SCNN1A: variants seen among roughly 807,000 people sequenced by gnomAD.
SCNN1A encodes the protein epithelial sodium channel subunit alpha.
In SCNN1A, 65 loss-of-function variants were observed where a neutral mutation model predicts 68.6. The ratio of observed to expected loss-of-function variants is 0.95; its 90% CI spans 0.78 to 1.16. The LOEUF (loss-of-function observed/expected upper bound fraction) is 1.16, where lower values mean the gene tolerates loss of function less well. Among genes scored for constraint, SCNN1A ranks in the 50% most tolerant of loss-of-function variants. The pLI is 0.00. For missense variants in SCNN1A, 880 were observed against 865.9 expected (o/e 1.02, Z -0.20); for synonymous variants, 357 against 353.3 (o/e 1.01, Z -0.12).
chr12:6,366,076 G>C (rs932984688), intron 2 of SCNN1A, among the ~76,000 whole-genome samples: 1 of 152,038 alleles, frequency 6.6e-6, no homozygotes, highest in South Asian at 2.1e-4. Flanking sequence ...GGATGGTCTC[G>C]ATCTCCTGAC....
At chr12:6,375,760 C>G, upstream of SCNN1A, 1 of 1,407,532 alleles carries the variant, frequency 7.1e-7, no homozygotes, top group Non-Finnish European at 9.2e-7. Flanking sequence ...GACAGGATGG[C>G]AGGTGAGGGG....
At chr12:6,363,359 T>TCAGGAAAG in intron 3 of SCNN1A, 84 bp downstream of exon 3, 1 of 1,261,700 alleles carries the variant, frequency 7.9e-7, no homozygotes, top group Non-Finnish European at 1.0e-6. Context: ...CGCGGGCGGG[T>TCAGGAAAG]CAGGAAAGGA....
At chr12:6,375,705 A>C, upstream of SCNN1A, 1 of 1,430,550 alleles carries the variant, frequency 7.0e-7, no homozygotes, top group Non-Finnish European at 9.1e-7. Flanking sequence ...GAGAAGGCGG[A>C]CTCTGGGCAG....
At chr12:6,365,893 C>T (rs1565483788) in intron 2 of SCNN1A, among the ~76,000 whole-genome samples, 3 of 151,828 alleles carry the variant, frequency 2.0e-5, no homozygotes, top group African/African-American at 4.8e-5. Flanking sequence ...GACGGAGTCT[C>T]AATTGCCCAG....
At chr12:6,355,935 A>G in intron 4 of SCNN1A, 55 bp from the exon 5 acceptor site, 2 of 1,089,330 alleles carry the variant, frequency 1.8e-6, no homozygotes, top group Non-Finnish European at 2.9e-6. Flanking sequence ...GGTGCAGGGA[A>G]TAGGGAGATG....
rs72645129 is a variant in SCNN1A, at chr12:6,375,164, T to C, written c.-54-327A>G. 3,587 of 1,459,988 alleles carry C rather than the reference T, an allele frequency of 2.5e-3. 82 individuals carry two copies. In the African/African-American group the frequency reaches 0.044, roughly 18 times the overall value. 90.4% of individuals were successfully genotyped at this position (1,459,988 alleles called of 1,614,324 possible). ...TCTCTGCCCCCTTCCTTTGGTCTTC[T>C]TCCTCCAGGATCTGTGTCTCAGCTC... On this transcript the variant is annotated intron_variant, in intron 1 of 12. Coordinates refer to ENST00000228916, the MANE Select transcript of SCNN1A (RefSeq NM_001038.6).
chr12:6,374,966 A>G lies in SCNN1A; in HGVS notation c.-54-129T>C, dbSNP rs752056354. On this transcript the variant is annotated intron_variant, in intron 1 of 12. Transcript: ENST00000228916. The surrounding 1 kb of genome is among the most constrained non-coding windows in gnomAD (Gnocchi z 6.2). The stretch of plus-strand genomic sequence containing the variant: ...CTGCCCCTGGCCATGCCCATGTCCC[A>G]CCCTGCGCCCACATTCTCCCACTCC... The G allele has an allele frequency of 6.4e-7, 1 of 1,562,472 alleles. No homozygotes were observed. Among genetic ancestry groups the G allele is most frequent in the Non-Finnish European group, 8.7e-7 (1 of 1,153,238 alleles).
Position 6,374,334 on chromosome 12 carries a change from A to G in SCNN1A, c.416+34T>C. On this transcript the variant is annotated intron_variant, in intron 2 of 12. Transcript: ENST00000228916. The surrounding 1 kb of genome is among the most constrained non-coding windows in gnomAD (Gnocchi z 6.2). ...CACCCTGGACCACCCTTCCAGGCGCAGGCACCAGGGAAGGGGCAGAGGGAC... is the reference window on the plus strand; with the variant it reads ...CACCCTGGACCACCCTTCCAGGCGCGGGCACCAGGGAAGGGGCAGAGGGAC... 1.9e-6 allele frequency: 3 copies of G among 1,609,076 alleles called. No individual in the cohort carries two copies. Among genetic ancestry groups the G allele is most frequent in the Non-Finnish European group, 2.6e-6 (3 of 1,176,162 alleles).
Position 6,363,567 on chromosome 12 carries a change from G to A in SCNN1A, c.560C>T (p.Pro187Leu), listed in dbSNP as rs1461189622. The change falls in exon 3 of 13, where the codon CCC (proline) becomes CTC (leucine). Residue 187 changes from proline (P) to leucine (L), a missense_variant. This residue lies in a region of SCNN1A where 758 missense variants were observed against 721.8 expected (regional missense o/e 1.05). Coordinates refer to ENST00000228916, the MANE Select transcript of SCNN1A (RefSeq NM_001038.6). Reference sequence around the variant, plus strand: ...GGGCGGGACCCTCAGGCGCTGCAAGGGGTGCGGCAGAGTCCCCCGCAGGTC... The same window carrying A: ...GGGCGGGACCCTCAGGCGCTGCAAGAGGTGCGGCAGAGTCCCCCGCAGGTC... ...RRDLRGTLPH[P>L]LQRLRVPPPP... 1.2e-6 allele frequency: 2 copies of A among 1,611,442 alleles called. No homozygotes were observed. Among genetic ancestry groups the A allele is most frequent in the Non-Finnish European group, 1.7e-6 (2 of 1,179,026 alleles).
Position 6,348,989 on chromosome 12 carries a change from A to G in SCNN1A, c.1514T>C (p.Met505Thr). ...SVTSQEWVFQ[M>T]LSRQNNYTVN... Reference sequence around the variant, plus strand: ...GGTGTAATTGTTCTGTCGCGATAGCATCTGGAAGACCCATTCCTAGGAAAG... The same window carrying G: ...GGTGTAATTGTTCTGTCGCGATAGCGTCTGGAAGACCCATTCCTAGGAAAG... The change falls in exon 11 of 13, where the codon ATG (methionine) becomes ACG (threonine). Residue 505 changes from methionine (M) to threonine (T), a missense_variant. Met to Thr is a moderately conservative substitution (Grantham distance 81). Transcript: ENST00000228916. 1 of 1,614,136 alleles carries G rather than the reference A, an allele frequency of 6.2e-7. No homozygotes were observed. The highest frequency in any genetic ancestry group is 8.5e-7 in the Non-Finnish European group (1 of 1,180,016).
chr12:6,366,449 T>G (rs367789653), intron 2 of SCNN1A, among the ~76,000 whole-genome samples: 30 of 152,280 alleles, frequency 2.0e-4, no homozygotes, highest in African/African-American at 6.7e-4. Flanking sequence ...GGATTTACAG[T>G]GAGCTGTGTT....
upstream of SCNN1A, chr12:6,375,707 T>G: frequency 2.1e-6 from 3 of 1,434,274 alleles, no homozygotes; most frequent in South Asian, 4.3e-5. Flanking sequence ...GAAGGCGGAC[T>G]CTGGGCAGGG....
chr12:6,372,393 T>TC lies in SCNN1A; in HGVS notation c.416+1974dup, dbSNP rs1470322288. 3.9e-5 allele frequency among the ~76,000 whole-genome samples: 6 copies of TC among 152,076 alleles called. No individual in the cohort carries two copies. The highest frequency in any genetic ancestry group is 8.8e-5 in the Non-Finnish European group (6 of 67,998). ...TCCTCCCGCTGTGCTGGGGAGCCCT[T>TC]CCCCGACTCCTCTCCTCTCCTAGGT... On this transcript the variant is annotated intron_variant, in intron 2 of 12. Coordinates refer to ENST00000228916, the MANE Select transcript of SCNN1A (RefSeq NM_001038.6). The surrounding 1 kb of genome is among the most constrained non-coding windows in gnomAD (Gnocchi z 5.8).
chr12:6,375,551 C>G lies in SCNN1A; in HGVS notation c.-101G>C. 1 of 1,534,924 alleles carries G rather than the reference C, an allele frequency of 6.5e-7. No homozygotes were observed. Among genetic ancestry groups the G allele is most frequent in the Non-Finnish European group, 8.7e-7 (1 of 1,146,564 alleles). ...CTGGGGAGCCCGCCCGCTGGCCGGCCAGGGATGGAAGCGACAGGAATCTCA... is the reference window on the plus strand; with the variant it reads ...CTGGGGAGCCCGCCCGCTGGCCGGCGAGGGATGGAAGCGACAGGAATCTCA... On this transcript the variant is annotated 5_prime_UTR_variant, in exon 1 of 13. Coordinates refer to ENST00000228916, the MANE Select transcript of SCNN1A (RefSeq NM_001038.6).
Position 6,355,307 on chromosome 12 carries a change from G to T in SCNN1A, c.1108C>A (p.Arg370=). The change falls in exon 6 of 13, where the codon CGG becomes AGG. Residue 370 remains arginine, a synonymous_variant. Coordinates refer to ENST00000228916, the MANE Select transcript of SCNN1A (RefSeq NM_001038.6). ...CTGATGGAGGTCTCCACGCCAGGCC[G>T]CAAGTTAAAGCCACCATCATCCATA... ...AFMDDGGFNL[R]PGVETSISMR... 1 of 1,613,464 alleles carries T rather than the reference G, an allele frequency of 6.2e-7. No homozygotes were observed.
intron 2 of SCNN1A, among the ~76,000 whole-genome samples, chr12:6,367,847 G>A (rs1330413913): frequency 6.6e-6 from 1 of 152,164 alleles, no homozygotes; most frequent in Non-Finnish European, 1.5e-5. Flanking sequence ...TGGTCCTAAC[G>A]TGCAGCTACA....
chr12:6,375,202 C>A (rs1948882461), intron 1 of SCNN1A: 2 of 1,445,906 alleles, frequency 1.4e-6, no homozygotes, highest in Admixed American at 5.4e-5. Flanking sequence ...GCCTCTCACT[C>A]CCTCTCTATC....
chr12:6,348,675 C>T, intron 12 of SCNN1A, 52 bp downstream of exon 12: 3 of 1,503,274 alleles, frequency 2.0e-6, no homozygotes, highest in Non-Finnish European at 2.8e-6. Flanking sequence ...GACAGCCGCC[C>T]TGCTAAGTAA....
At chr12:6,355,926 G>T in intron 4 of SCNN1A, 46 bp from the exon 5 acceptor site, 1 of 1,205,370 alleles carries the variant, frequency 8.3e-7, no homozygotes, top group Non-Finnish European at 1.2e-6. Flanking sequence ...AGTGTAGGTG[G>T]TGCAGGGAAT....
Sources: allele counts gnomAD v4.1 joint callset (sites outside exome capture counted in the v4.1 genomes callset), GRCh38; gene constraint gnomAD v4.1.1; regional missense constraint gnomAD v4.1.1; non-coding constraint Gnocchi (gnomAD v3.1); transcripts MANE v1.5; gene names NCBI Gene and HGNC (gene_info 2026-07-23, HGNC 2026-07-21).